The following TMEM132D variants were observed in gnomAD, a reference collection of about 807,000 sequenced individuals.
TMEM132D encodes the protein mature OL transmembrane protein.
Under a neutral mutation model 62.3 loss-of-function variants are expected in TMEM132D, and 21 were observed. That is an observed-to-expected ratio of 0.34 (90% confidence interval 0.24 to 0.49). The LOEUF is 0.49. TMEM132D is among the 20% of genes least tolerant of loss of function. The probability of loss-of-function intolerance (pLI) is 0.99; values close to 1 mark genes in which losing one functional copy is unlikely to be tolerated. For missense variants in TMEM132D, 1,346 were observed against 1,402.8 expected (o/e 0.96, Z 0.65); for synonymous variants, 621 against 575.6 (o/e 1.08, Z -1.13).
intron 3 of TMEM132D, among the ~76,000 whole-genome samples, chr12:129,444,381 A>G (rs1002442227): frequency 7.4e-6 from 1 of 134,860 alleles, no homozygotes; most frequent in Non-Finnish European, 1.5e-5. Flanking sequence ...CCTAATATCC[A>G]GTATTCATAA....
At chr12:129,200,279 G>T (rs1333860755) in intron 5 of TMEM132D, among the ~76,000 whole-genome samples, 1 of 152,126 alleles carries the variant, frequency 6.6e-6, no homozygotes, top group Non-Finnish European at 1.5e-5. Flanking sequence ...AGTGTCTATT[G>T]GGAGGCCAGT....
chr12:129,128,039 G>A (rs1450906041), intron 5 of TMEM132D, among the ~76,000 whole-genome samples: 1 of 152,158 alleles, frequency 6.6e-6, no homozygotes, highest in Admixed American at 6.5e-5. Flanking sequence ...GAGGCTTTCA[G>A]TGGTAAAATC....
intron 3 of TMEM132D, among the ~76,000 whole-genome samples, chr12:129,441,823 C>A (rs1047026031): frequency 3.3e-5 from 5 of 152,148 alleles, no homozygotes; most frequent in Admixed American, 2.0e-4. Context: ...ATAATGAAAT[C>A]ATCGCCTTTG....
At chr12:129,324,411 G>A (rs1396321660) in intron 4 of TMEM132D, among the ~76,000 whole-genome samples, 1 of 152,194 alleles carries the variant, frequency 6.6e-6, no homozygotes, top group Non-Finnish European at 1.5e-5. Context: ...GAAGAGTTTA[G>A]ACTCCACACA....
intron 5 of TMEM132D, among the ~76,000 whole-genome samples, chr12:129,167,779 G>GC (rs1877608365): frequency 1.3e-5 from 2 of 151,808 alleles, no homozygotes; most frequent in South Asian, 4.2e-4. Context: ...CCAATTGGGA[G>GC]GCCCCCACAA....
intron 1 of TMEM132D, among the ~76,000 whole-genome samples, chr12:129,814,834 T>C (rs1438973599): frequency 6.6e-6 from 1 of 152,076 alleles, no homozygotes; most frequent in East Asian, 1.9e-4. Flanking sequence ...ACATCTAAGA[T>C]GCCTTTCTCC....
intron 1 of TMEM132D, among the ~76,000 whole-genome samples, chr12:129,872,969 G>GA (rs944481532): frequency 6.6e-6 from 1 of 152,048 alleles, no homozygotes; most frequent in African/African-American, 2.4e-5. Context: ...ATTCCCTTGT[G>GA]AAAAAAATGA....
At chr12:129,406,048 C>G (rs532232312) in intron 3 of TMEM132D, among the ~76,000 whole-genome samples, 1 of 152,312 alleles carries the variant, frequency 6.6e-6, no homozygotes, top group African/African-American at 2.4e-5. Flanking sequence ...ATTCTTTCTT[C>G]ATAAACACAC....
chr12:129,540,199 G>A (rs1031619159), intron 2 of TMEM132D, among the ~76,000 whole-genome samples: 14 of 152,230 alleles, frequency 9.2e-5, no homozygotes, highest in African/African-American at 3.4e-4. Context: ...GTCAATGCAT[G>A]AGAAGGGTCC....
intron 1 of TMEM132D, among the ~76,000 whole-genome samples, chr12:129,797,152 G>A (rs949065298): frequency 6.6e-6 from 1 of 152,134 alleles, no homozygotes; most frequent in Non-Finnish European, 1.5e-5. Flanking sequence ...TTTCCCCACA[G>A]CCCAGGCATC....
chr12:129,268,163 C>T (rs1880747454), intron 4 of TMEM132D, among the ~76,000 whole-genome samples: 1 of 152,130 alleles, frequency 6.6e-6, no homozygotes, highest in Non-Finnish European at 1.5e-5. Flanking sequence ...GCAATGGCAA[C>T]CAAAGCCAAA....
At position 129,700,097 on chromosome 12, in the gene TMEM132D, G is replaced by A. The variant is rs2137226053; in HGVS notation, c.681C>T (p.Tyr227=). 6.2e-7 allele frequency: 1 copy of A among 1,613,578 alleles called. No homozygotes were observed. Among genetic ancestry groups the A allele is most frequent in the Non-Finnish European group, 8.5e-7 (1 of 1,180,022 alleles). The part of the protein sequence containing the change: ...DQPEGTPVEL[Y]YTVHPGGERG... ...TCTCACCCCCTGGGTGCACGGTGTA[G>A]TAGAGCTCCACGGGGGTCCCCTCCG... The change falls in exon 2 of 9, where the codon TAC becomes TAT. Residue 227 remains tyrosine, a synonymous_variant. Transcript: ENST00000422113.
chr12:129,246,827 T>C (rs1183652155), intron 4 of TMEM132D, among the ~76,000 whole-genome samples: 1 of 152,106 alleles, frequency 6.6e-6, no homozygotes, highest in Non-Finnish European at 1.5e-5. Context: ...TGTTTTGATA[T>C]GTAAGACAGA....
At chr12:129,245,333 T>C (rs1880067369) in intron 4 of TMEM132D, among the ~76,000 whole-genome samples, 1 of 152,238 alleles carries the variant, frequency 6.6e-6, no homozygotes, top group East Asian at 1.9e-4. Context: ...TAGACTGGCT[T>C]CTTCCACTTA....
chr12:129,800,911 A>G (rs932890822), intron 1 of TMEM132D, among the ~76,000 whole-genome samples: 2 of 152,232 alleles, frequency 1.3e-5, no homozygotes, highest in Non-Finnish European at 2.9e-5. Flanking sequence ...GGGAAGCACA[A>G]GGGGTCAGGG....
chr12:129,494,806 C>T (rs544029357), intron 3 of TMEM132D, among the ~76,000 whole-genome samples: 1 of 152,290 alleles, frequency 6.6e-6, no homozygotes, highest in South Asian at 2.1e-4. Context: ...ACCTACCTCT[C>T]TGCCCTCTTT....
At chr12:129,335,673 A>G (rs750671116) in intron 4 of TMEM132D, among the ~76,000 whole-genome samples, 1 of 152,210 alleles carries the variant, frequency 6.6e-6, no homozygotes, top group Non-Finnish European at 1.5e-5. Context: ...CAGTTTCCTC[A>G]AGTGGAAATA....
intron 4 of TMEM132D, among the ~76,000 whole-genome samples, chr12:129,297,390 G>A (rs772353460): frequency 3.9e-5 from 6 of 152,274 alleles, no homozygotes; most frequent in Middle Eastern, 3.4e-3. Context: ...AAGCAACTTC[G>A]GATCATTTAA....
chr12:129,522,097 A>G (rs1308265742), intron 3 of TMEM132D, among the ~76,000 whole-genome samples: 3 of 152,188 alleles, frequency 2.0e-5, no homozygotes. Context: ...CCGTATTGCC[A>G]GTTTCTCTAA....
Sources: gnomAD v4.1 joint callset for allele counts (sites outside exome capture counted in the v4.1 genomes callset) on GRCh38, gnomAD v4.1.1 for gene constraint, MANE v1.5 for transcripts, NCBI Gene and HGNC (gene_info 2026-07-23, HGNC 2026-07-21) for gene names.